Variants in HSPA4L observed in about 807,000 individuals in gnomAD.
The protein encoded by HSPA4L is heat shock protein family A (Hsp70) member 4 like.
A neutral mutation model predicts 100.3 loss-of-function variants in HSPA4L; 48 were observed. The observed-to-expected ratio is 0.48, with a 90% CI of 0.38 to 0.61. The LOEUF (loss-of-function observed/expected upper bound fraction) is 0.61, where lower values mean the gene tolerates loss of function less well. HSPA4L is among the 20% of genes least tolerant of loss of function. HSPA4L has a pLI of 0.00. For synonymous variants in HSPA4L, 319 were observed against 328.2 expected (o/e 0.97, Z 0.30); for missense variants, 886 against 988.6 (o/e 0.90, Z 1.39).
intron 13 of HSPA4L, 23 bp downstream of exon 13, chr4:127,818,443 TTA>T (rs747850331): frequency 7.0e-7 from 1 of 1,421,048 alleles, no homozygotes; most frequent in South Asian, 1.3e-5. Flanking sequence ...TTTTCTGTAG[TTA>T]TGTCTTTTTG....
chr4:127,823,725 A>G (rs1367729831), intron 16 of HSPA4L, 101 bp downstream of exon 16: 4 of 615,126 alleles, frequency 6.5e-6, no homozygotes, highest in Non-Finnish European at 8.0e-6. Flanking sequence ...TAATTTTTTA[A>G]TTGAGAGGAA....
At position 127,837,753 on chromosome 4, in the gene HSPA4L, T is replaced by C. The variant is rs1170040303; in HGVS notation, c.*4879T>C. 6.6e-6 allele frequency: 1 copy of C among 152,124 alleles called. No individual in the cohort carries two copies. The allele number at this position is 152,124 out of a possible 1,614,324, so 9.4% of individuals were successfully genotyped here. On this transcript the variant is annotated 3_prime_UTR_variant, in exon 19 of 19. Coordinates refer to ENST00000296464, the MANE Select transcript of HSPA4L (RefSeq NM_014278.4). ...AACCAAAACAAGCAAAAAGAAACTT[T>C]AGCTGTTTAACTATCACCTCTCTAA... is the stretch of plus-strand genomic sequence containing the variant.
chr4:127,802,541 G>T (rs1008206899), intron 6 of HSPA4L, among the ~76,000 whole-genome samples: 1 of 152,072 alleles, frequency 6.6e-6, no homozygotes, highest in Non-Finnish European at 1.5e-5. Flanking sequence ...ACTGAATATA[G>T]GGTAATTTTC....
chr4:127,819,638 C>T (rs1733757701), intron 13 of HSPA4L, among the ~76,000 whole-genome samples: 1 of 152,084 alleles, frequency 6.6e-6, no homozygotes, highest in South Asian at 2.1e-4. Context: ...GGTGACTTCC[C>T]ATTTCCCTTC....
In HSPA4L at chr4:127,794,105, C is replaced by T. The variant is rs140639721; in HGVS notation, c.136C>T (p.Arg46Ter). The T allele has an allele frequency of 6.2e-7, 1 of 1,610,256 alleles. No homozygotes were observed. Among genetic ancestry groups the T allele is most frequent in the African/African-American group, 1.3e-5 (1 of 74,844 alleles). ...CTGTATATCATTGGGATCAAGAACT[C>T]GAGCCATTGGAAATGCAGCAAAGAG... is the stretch of plus-strand genomic sequence containing the variant. ...PACISLGSRT[R>*]AIGNAAKSQI... is the part of the protein sequence containing the mutation. Residue 46 changes from arginine to a stop codon, truncating the protein, a stop_gained, in exon 2 of 19, where the codon CGA becomes TGA. Coordinates refer to ENST00000296464, the MANE Select transcript of HSPA4L (RefSeq NM_014278.4). LOFTEE classifies it high-confidence loss of function.
rs908982236 is a variant in HSPA4L at position 127,835,909 on chromosome 4, C to T, written c.*3035C>T. 2.0e-5 allele frequency: 3 copies of T among 152,648 alleles called. No homozygotes were observed. Among genetic ancestry groups the T allele is most frequent in the Admixed American group, 6.5e-5 (1 of 15,284 alleles). 9.5% of individuals were successfully genotyped at this position (152,648 alleles called of 1,614,324 possible). On this transcript the variant is annotated 3_prime_UTR_variant, in exon 19 of 19. Transcript: ENST00000296464. ...GACCAGCCTGAGAAACATAGTGAGA[C>T]CCTGTCTCTAAAAAAATAAAAACTT... is the stretch of plus-strand genomic sequence containing the variant.
In HSPA4L at chr4:127,782,503, C is replaced by T. The variant is rs1317922575; in HGVS notation, c.-48C>T. The T allele has an allele frequency of 1.3e-6, 2 of 1,485,116 alleles. No homozygotes were observed. Among genetic ancestry groups the T allele is most frequent in the Non-Finnish European group, 1.9e-6 (2 of 1,063,614 alleles). The allele number at this position is 1,485,116 out of a possible 1,614,324, so 92.0% of individuals were successfully genotyped here. A position where few individuals can be genotyped will look rare whatever the true frequency, so the allele number is the denominator to read the frequency against. ...CAATAGCCCAGAAGAGGACACGGTTCCCGTACCGAAGGGTTCAGTACCAGC... is the reference window on the plus strand; with the variant it reads ...CAATAGCCCAGAAGAGGACACGGTTTCCGTACCGAAGGGTTCAGTACCAGC... On this transcript the variant is annotated 5_prime_UTR_variant, in exon 1 of 19. Coordinates refer to ENST00000296464, the MANE Select transcript of HSPA4L (RefSeq NM_014278.4).
Position 127,831,049 on chromosome 4 carries a change from T to G in HSPA4L, c.2328+250T>G, listed in dbSNP as rs541513872. On this transcript the variant is annotated intron_variant, in intron 18 of 18. Transcript: ENST00000296464. ...AAATAAAAGCAATGTGACAACTTTC[T>G]GATTAAGTATTTCAGACTTATAGGT... 1.2e-4 allele frequency among the ~76,000 whole-genome samples: 18 copies of G among 152,324 alleles called. No homozygotes were observed. In the East Asian group the frequency reaches 3.5e-3, roughly 29 times the overall value.
chr4:127,816,022 G>A (rs1733662651), intron 12 of HSPA4L, among the ~76,000 whole-genome samples: 1 of 152,150 alleles, frequency 6.6e-6, no homozygotes, highest in Non-Finnish European at 1.5e-5. Flanking sequence ...TGGTGTATAG[G>A]ATATAGGTGT....
Position 127,818,316 on chromosome 4 carries a change from T to C in HSPA4L, c.1579-9T>C. ...TGCGTATATTATCAATTATGTATTT[T>C]CTTTCTAGGATAAAATGCAGGTTGA... On this transcript the variant is annotated splice_polypyrimidine_tract_variant and intron_variant, in intron 12 of 18. Coordinates refer to ENST00000296464, the MANE Select transcript of HSPA4L (RefSeq NM_014278.4). 6.3e-7 allele frequency: 1 copy of C among 1,589,660 alleles called. No individual in the cohort carries two copies. The highest frequency in any genetic ancestry group is 1.1e-5 in the South Asian group (1 of 89,154).
intron 1 of HSPA4L, among the ~76,000 whole-genome samples, chr4:127,783,300 G>A (rs992010987): frequency 2.0e-5 from 3 of 152,042 alleles, no homozygotes; most frequent in African/African-American, 7.3e-5. Flanking sequence ...GCATTGATAG[G>A]GAGAGCCTCG....
intron 12 of HSPA4L, chr4:127,812,964 T>C: frequency 2.5e-6 from 2 of 816,032 alleles, no homozygotes; most frequent in Non-Finnish European, 4.2e-6. Flanking sequence ...TGCCCTTAAC[T>C]TGTTTGTTTA....
chr4:127,804,748 G>A (rs1733302789), intron 8 of HSPA4L, among the ~76,000 whole-genome samples: 1 of 151,764 alleles, frequency 6.6e-6, no homozygotes, highest in Non-Finnish European at 1.5e-5. Context: ...TAAGGATTTT[G>A]GTAATCAATT....
Position 127,809,022 on chromosome 4 carries a change from T to C in HSPA4L, c.1378+893T>C, listed in dbSNP as rs893962133. ...TATATTCTAATTTTAAACTTAATGT[T>C]TACTGGCAACAACTAGAATGACTAT... On this transcript the variant is annotated intron_variant, in intron 11 of 18. Transcript: ENST00000296464. 8 of 450,236 alleles carry C rather than the reference T, an allele frequency of 1.8e-5. 1 individual carries two copies. The highest frequency in any genetic ancestry group is 9.9e-5 in the African/African-American group (5 of 50,700). The allele number at this position is 450,236 out of a possible 1,614,324, so 27.9% of individuals were successfully genotyped here.
chr4:127,826,827 A>G lies in HSPA4L; in HGVS notation c.2047-478A>G, dbSNP rs144407570. Reference sequence around the variant, plus strand: ...AGACATGTAGGGGAAAAACCTACATATACTACAGTACACATTTTACTGATT... The same window carrying G: ...AGACATGTAGGGGAAAAACCTACATGTACTACAGTACACATTTTACTGATT... On this transcript the variant is annotated intron_variant, in intron 16 of 18. Transcript: ENST00000296464. Among the ~76,000 whole-genome samples, 280 of 152,312 alleles carry G rather than the reference A, an allele frequency of 1.8e-3. 2 individuals carry two copies. The highest frequency in any genetic ancestry group is 6.3e-3 in the African/African-American group (263 of 41,582).
In HSPA4L at chr4:127,805,109, T is replaced by C; in HGVS notation, c.1022T>C (p.Val341Ala). The C allele has an allele frequency of 6.2e-7, 1 of 1,611,726 alleles. No individual in the cohort carries two copies. Residue 341 changes from valine to alanine, a missense_variant, in exon 9 of 19, where the codon GTA (valine) becomes GCA (alanine). Coordinates refer to ENST00000296464, the MANE Select transcript of HSPA4L (RefSeq NM_014278.4). ...QREDISSIEI[V>A]GGATRIPAVK... is the part of the protein sequence containing the mutation. ...GAAGACATTAGTAGTATAGAAATTG[T>C]AGGAGGAGCAACACGAATTCCTGCA...
chr4:127,801,245 C>T lies in HSPA4L; in HGVS notation c.529+8C>T, dbSNP rs766373538. On this transcript the variant is annotated splice_region_variant and intron_variant, in intron 5 of 18. Transcript: ENST00000296464. ...TGAATGAAACTACTGCAGGTGAGCACTTTGCAATTTGAAAATCACTATAAG... is the reference window on the plus strand; with the variant it reads ...TGAATGAAACTACTGCAGGTGAGCATTTTGCAATTTGAAAATCACTATAAG... 7 of 1,585,100 alleles carry T rather than the reference C, an allele frequency of 4.4e-6. No individual in the cohort carries two copies. Among genetic ancestry groups the T allele is most frequent in the Non-Finnish European group, 6.0e-6 (7 of 1,163,624 alleles).
intron 12 of HSPA4L, among the ~76,000 whole-genome samples, chr4:127,815,044 C>G (rs1733636630): frequency 6.6e-6 from 1 of 151,682 alleles, no homozygotes; most frequent in Non-Finnish European, 1.5e-5. Context: ...ATAATAAGTT[C>G]TTCTTTTTAC....
chr4:127,823,688 G>A, intron 16 of HSPA4L, 64 bp downstream of exon 16: 1 of 920,230 alleles, frequency 1.1e-6, no homozygotes, highest in Non-Finnish European at 1.7e-6. Context: ...TAGGGTGTAA[G>A]AGCACAGTTT....
Sources: gnomAD v4.1 joint callset for allele counts (sites outside exome capture counted in the v4.1 genomes callset) on GRCh38, gnomAD v4.1.1 for gene constraint, MANE v1.5 for transcripts, NCBI Gene and HGNC (gene_info 2026-07-23, HGNC 2026-07-21) for gene names.